The following ANGPT2 variants were observed in gnomAD, a reference collection of about 807,000 sequenced individuals.
ANGPT2 encodes angiopoietin 2.
In ANGPT2, 28 loss-of-function variants were observed where a neutral mutation model predicts 62.9. The ratio of observed to expected loss-of-function variants is 0.44; its 90% CI spans 0.33 to 0.61. The LOEUF (loss-of-function observed/expected upper bound fraction) is 0.61, where lower values mean the gene tolerates loss of function less well. ANGPT2 is among the 20% of genes least tolerant of loss of function. ANGPT2 has a pLI of 0.03. For synonymous variants in ANGPT2, 284 were observed against 207.8 expected (o/e 1.37, Z -3.15); for missense variants, 727 against 594.9 (o/e 1.22, Z -2.31).
chr8:6,537,089 A>G (rs1022141705), intron 1 of ANGPT2, among the ~76,000 whole-genome samples: 3 of 152,038 alleles, frequency 2.0e-5, no homozygotes, highest in Admixed American at 2.0e-4. Context: ...AACTGCTCTC[A>G]TCAAAACAGT....
chr8:6,528,970 C>G (rs1372791883), intron 2 of ANGPT2, among the ~76,000 whole-genome samples: 1 of 152,174 alleles, frequency 6.6e-6, no homozygotes, highest in Non-Finnish European at 1.5e-5. Context: ...TACATTTGGC[C>G]TACGTCTTCT....
chr8:6,528,158 T>A (rs2442610), intron 2 of ANGPT2, among the ~76,000 whole-genome samples: 114,848 of 152,062 alleles, frequency 0.76, 43,583 homozygotes, highest in East Asian at 0.98. Flanking sequence ...CGGCCTCCCA[T>A]AGTGCTGGGA....
intron 1 of ANGPT2, among the ~76,000 whole-genome samples, chr8:6,548,982 A>T (rs370250256): frequency 1.8e-3 from 281 of 152,332 alleles, no homozygotes; most frequent in Non-Finnish European, 3.0e-3. Context: ...TTAATGAATC[A>T]ATCTATTCCT....
intron 1 of ANGPT2, among the ~76,000 whole-genome samples, chr8:6,536,161 A>G (rs1404431585): frequency 6.6e-6 from 1 of 152,184 alleles, no homozygotes; most frequent in East Asian, 1.9e-4. Context: ...ACAGTCAGGT[A>G]CTCTTTAAAA....
chr8:6,517,103 A>G (rs1816406126), intron 5 of ANGPT2, among the ~76,000 whole-genome samples: 1 of 152,228 alleles, frequency 6.6e-6, no homozygotes, highest in South Asian at 2.1e-4. Flanking sequence ...AGAGTTATCT[A>G]CCCAGCCAGA....
chr8:6,510,870 G>A (rs987790132), intron 7 of ANGPT2, among the ~76,000 whole-genome samples: 7 of 152,196 alleles, frequency 4.6e-5, no homozygotes, highest in Admixed American at 6.5e-5. Context: ...CTGGACATGT[G>A]AGTCTCAGTA....
At chr8:6,555,213 C>G (rs187839152) in intron 1 of ANGPT2, among the ~76,000 whole-genome samples, 7 of 152,254 alleles carry the variant, frequency 4.6e-5, no homozygotes, top group South Asian at 2.1e-4. Context: ...GTGATCCAGT[C>G]TGTAGAATGT....
intron 7 of ANGPT2, 28 bp downstream of exon 7, chr8:6,513,650 T>G: frequency 3.8e-6 from 6 of 1,585,018 alleles, no homozygotes; most frequent in Non-Finnish European, 5.1e-6. Flanking sequence ...TTTTAATTTT[T>G]TCTTTCAATT....
intron 1 of ANGPT2, among the ~76,000 whole-genome samples, chr8:6,542,799 T>G (rs1233863211): frequency 6.6e-6 from 1 of 152,108 alleles, no homozygotes; most frequent in Non-Finnish European, 1.5e-5. Flanking sequence ...AGTGGGCAGT[T>G]TTTTTCTTTT....
In ANGPT2 at chr8:6,562,170, A is replaced by G. The variant is rs1160240442; in HGVS notation, c.288+477T>C. Among the ~76,000 whole-genome samples the G allele has an allele frequency of 3.9e-5, 6 of 152,142 alleles. No homozygotes were observed. The South Asian group carries it at 1.2e-3, about 32-fold the overall frequency. ...AGTAAATAAATTCAGGAAATTGGTA[A>G]AGCACTTTACTCCATCCGTTATGCC... On this transcript the variant is annotated intron_variant, in intron 1 of 8. Transcript: ENST00000629816.
chr8:6,509,983 C>T lies in ANGPT2; in HGVS notation c.1197-921G>A, dbSNP rs75106996. 2.5e-3 allele frequency among the ~76,000 whole-genome samples: 380 copies of T among 152,168 alleles called. 1 individual carries two copies. Among genetic ancestry groups the T allele is most frequent in the African/African-American group, 8.6e-3 (356 of 41,502 alleles). ...CCAGGGAAAGATCCAAATTTAAATC[C>T]CAAAGTGTAGTTTCTGCTGAATGCG... On this transcript the variant is annotated intron_variant, in intron 7 of 8. Coordinates refer to ENST00000629816, the MANE Select transcript of ANGPT2 (RefSeq NM_001118887.2).
At chr8:6,560,443 G>A (rs766771333) in intron 1 of ANGPT2, among the ~76,000 whole-genome samples, 4 of 152,166 alleles carry the variant, frequency 2.6e-5, no homozygotes. Flanking sequence ...AACAAACAGT[G>A]AGGTTACATT....
intron 1 of ANGPT2, among the ~76,000 whole-genome samples, chr8:6,535,981 C>T (rs1433199409): frequency 6.6e-6 from 1 of 151,982 alleles, no homozygotes; most frequent in African/African-American, 2.4e-5. Context: ...TGCTTGAGCC[C>T]AGGAGAGCAA....
chr8:6,527,404 A>T, intron 3 of ANGPT2, 151 bp downstream of exon 3: 1 of 894,742 alleles, frequency 1.1e-6, no homozygotes, highest in Non-Finnish European at 1.6e-6. Flanking sequence ...ATTTTCTCCA[A>T]GCCCTCTCCC....
chr8:6,549,888 A>G (rs1377760962), intron 1 of ANGPT2, among the ~76,000 whole-genome samples: 1 of 152,230 alleles, frequency 6.6e-6, no homozygotes, highest in Non-Finnish European at 1.5e-5. Flanking sequence ...AAAAAAGAAA[A>G]GAAAAGAAAA....
intron 8 of ANGPT2, 33 bp downstream of exon 8, chr8:6,508,899 A>G (rs1814350195): frequency 5.0e-6 from 8 of 1,613,876 alleles, no homozygotes; most frequent in Non-Finnish European, 5.9e-6. Flanking sequence ...ATTCCTTGCC[A>G]ATACAAATAG....
chr8:6,505,389 ATG>A (rs1217010978), intron 8 of ANGPT2, among the ~76,000 whole-genome samples: 1 of 64,400 alleles, frequency 1.6e-5, no homozygotes, highest in African/African-American at 4.9e-5. Context: ...TTCTTTCTAT[ATG>A]TATATAGAAT....
intron 5 of ANGPT2, among the ~76,000 whole-genome samples, chr8:6,517,372 C>A (rs2515434): frequency 0.06 from 9,201 of 152,216 alleles, 313 homozygotes; most frequent in African/African-American, 0.079. Context: ...ATAGAGACAA[C>A]CGTTAGGAGT....
At position 6,562,908 on chromosome 8, in the gene ANGPT2, C is replaced by G. The variant is rs760933327; in HGVS notation, c.27G>C (p.Leu9=). The G allele has an allele frequency of 1.3e-6, 2 of 1,598,252 alleles. No individual in the cohort carries two copies. The highest frequency in any genetic ancestry group is 4.5e-5 in the East Asian group (2 of 44,424). The change falls in exon 1 of 9, where the codon CTG becomes CTC. Residue 9 remains leucine (L), a synonymous_variant. Transcript: ENST00000629816. MWQIVFFT[L]SCDLVLAAAY... ...CTGCGGCCAAGACAAGATCACAGCT[C>G]AGAGTAAAGAAAACAATCTGCCACA...
Sources: gnomAD v4.1 joint callset for allele counts (sites outside exome capture counted in the v4.1 genomes callset) on GRCh38, gnomAD v4.1.1 for gene constraint, MANE v1.5 for transcripts, NCBI Gene and HGNC (gene_info 2026-07-23, HGNC 2026-07-21) for gene names.